Variants in ZNF689 observed in about 807,000 individuals in gnomAD.
The protein encoded by ZNF689 is short ORF-encoded histone-binding protein.
Under a neutral mutation model 37.2 loss-of-function variants are expected in ZNF689, and 14 were observed. The observed-to-expected ratio is 0.38, with a 90% CI of 0.25 to 0.59. The LOEUF (loss-of-function observed/expected upper bound fraction) is 0.59. Among genes scored for constraint, ZNF689 ranks in the 20% least tolerant of loss-of-function variants. The pLI is 0.68. For synonymous variants in ZNF689, 277 were observed against 283.3 expected, an observed-to-expected ratio of 0.98 and a Z score of 0.22; for missense variants, 573 against 700.2, an observed-to-expected ratio of 0.82 and a Z score of 2.05.
rs1244080825 is a variant in ZNF689 at position 30,604,745 on chromosome 16, C to T, written c.1022G>A (p.Gly341Glu). ...GTGCTCGCAGGCATAGGGACGCTCC[C>T]CAGAGTGCACACGCCGGTGACTGAC... ...RLVSHRRVHS[G>E]ERPYACEHCE... The change falls in exon 3 of 3, where the codon GGG (glycine) becomes GAG (glutamate). Residue 341 changes from glycine to glutamate, a missense_variant. Gly to Glu is a moderately conservative substitution (Grantham distance 98, BLOSUM62 -2). This residue lies in a region of ZNF689 where 317 missense variants were observed against 367.1 expected (regional missense o/e 0.86). Transcript: ENST00000287461. This position sits in a 1 kb window ranked among gnomAD's most constrained non-coding sequence, Gnocchi z 5.2. The T allele has an allele frequency of 6.2e-7, 1 of 1,606,702 alleles. No individual in the cohort carries two copies. Among genetic ancestry groups the T allele is most frequent in the Non-Finnish European group, 8.5e-7 (1 of 1,177,424 alleles).
intron 2 of ZNF689, 132 bp downstream of exon 2, chr16:30,609,393 C>G: frequency 1.4e-6 from 1 of 697,486 alleles, no homozygotes; most frequent in South Asian, 1.9e-5. Context: ...CCACCAGACA[C>G]AAGAGGCTGG....
At position 30,604,813 on chromosome 16, in the gene ZNF689, C is replaced by G; in HGVS notation, c.954G>C (p.Pro318=). 6.2e-7 allele frequency: 1 copy of G among 1,606,872 alleles called. No homozygotes were observed. Among genetic ancestry groups the G allele is most frequent in the Non-Finnish European group, 8.5e-7 (1 of 1,176,510 alleles). Residue 318 remains proline (P), a synonymous_variant, in exon 3 of 3, where the codon CCG becomes CCC. Coordinates refer to ENST00000287461, the MANE Select transcript of ZNF689 (RefSeq NM_138447.3). This position sits in a 1 kb window ranked among gnomAD's most constrained non-coding sequence, Gnocchi z 5.2. ...QRIHTGEKPY[P]CPDCERRFSS... ...AGAAGCGCCGCTCGCAGTCCGGGCA[C>G]GGGTAGGGCTTCTCGCCCGTGTGGA...
In ZNF689 at chr16:30,603,810, G is replaced by C. The variant is rs1309267179; in HGVS notation, c.*454C>G. On this transcript the variant is annotated 3_prime_UTR_variant, in exon 3 of 3. Coordinates refer to ENST00000287461, the MANE Select transcript of ZNF689 (RefSeq NM_138447.3). The stretch of plus-strand genomic sequence containing the variant: ...TGTCAAGAGAGATTTTCAAGCAATG[G>C]GTAGAAGACCACTTGGCAGGAGTGT... 1.6e-5 allele frequency: 5 copies of C among 320,162 alleles called. No homozygotes were observed. The highest frequency in any genetic ancestry group is 3.1e-5 in the Non-Finnish European group (5 of 162,336). 19.8% of individuals were successfully genotyped at this position (320,162 alleles called of 1,614,324 possible).
chr16:30,609,424 C>T (rs1414844806), intron 2 of ZNF689, 101 bp downstream of exon 2: 5 of 960,378 alleles, frequency 5.2e-6, no homozygotes, highest in East Asian at 5.0e-5. Flanking sequence ...ATACTAAATA[C>T]GCGGCACCCA....
rs1412773044 is a variant in ZNF689 at position 30,603,389 on chromosome 16, G to A, written c.*875C>T. Reference sequence around the variant, plus strand: ...CTTTTTTTTTTTTTTTTAAGTTTAGGGCATTTATATATCTGCAACCCAATA... The same window carrying A: ...CTTTTTTTTTTTTTTTTAAGTTTAGAGCATTTATATATCTGCAACCCAATA... On this transcript the variant is annotated 3_prime_UTR_variant, in exon 3 of 3. Transcript: ENST00000287461. 1.3e-5 allele frequency: 2 copies of A among 149,882 alleles called. No homozygotes were observed. Among genetic ancestry groups the A allele is most frequent in the African/African-American group, 2.5e-5 (1 of 40,666 alleles). The allele number at this position is 149,882 out of a possible 1,614,324, so 9.3% of individuals were successfully genotyped here. A position where few individuals can be genotyped will look rare whatever the true frequency, so the allele number is the denominator to read the frequency against.
In ZNF689 at chr16:30,605,346, T is replaced by C; in HGVS notation, c.421A>G (p.Ile141Val). 2 of 1,613,686 alleles carry C rather than the reference T, an allele frequency of 1.2e-6. No homozygotes were observed. Among genetic ancestry groups the C allele is most frequent in the Middle Eastern group, 3.3e-4 (2 of 6,054 alleles). The stretch of plus-strand genomic sequence containing the variant: ...GGGCCCCCGGACGTCTGCCTAGGAA[T>C]CAGTCGGGGTTTGCTGGGCCTCCGG... ...RGRRPSKPRLIPRQTSGGPIC... is the reference protein window; with the variant it reads ...RGRRPSKPRLVPRQTSGGPIC... The change falls in exon 3 of 3, where the codon ATT becomes GTT. Residue 141 changes from isoleucine to valine, a missense_variant. By Grantham distance (29) the Ile-to-Val change is conservative (BLOSUM62 3). Transcript: ENST00000287461. This position sits in a 1 kb window ranked among gnomAD's most constrained non-coding sequence, Gnocchi z 5.1.
chr16:30,605,277 G>C lies in ZNF689; in HGVS notation c.490C>G (p.Leu164Val). 6.2e-7 allele frequency: 1 copy of C among 1,611,112 alleles called. No homozygotes were observed. ...CGCTFPDHQA[L>V]ESHKCAQNLK... is the part of the protein sequence containing the mutation. ...TTCTGGGCGCACTTGTGGCTCTCCA[G>C]GGCCTGATGATCAGGGAAGGTACAG... Residue 164 changes from leucine to valine, a missense_variant, in exon 3 of 3, where the codon CTG becomes GTG. By Grantham distance (32) the Leu-to-Val change is conservative (BLOSUM62 1). Around this residue, in one of 3 missense-constraint regions of ZNF689, gnomAD observed 252 missense variants for 313.3 expected, o/e 0.80. Transcript: ENST00000287461. The surrounding 1 kb of genome is among the most constrained non-coding windows in gnomAD (Gnocchi z 5.1).
intron 2 of ZNF689, among the ~76,000 whole-genome samples, chr16:30,606,325 TTAA>T (rs1453832271): frequency 6.6e-6 from 1 of 152,116 alleles, no homozygotes; most frequent in Non-Finnish European, 1.5e-5. Context: ...AGTCAAAATA[TTAA>T]TAAAGGAATA....
chr16:30,604,998 CTGTG>C lies in ZNF689; in HGVS notation c.765_768del (p.His255GlnfsTer21). On this transcript the variant is annotated frameshift_variant, in exon 3 of 3. Coordinates refer to ENST00000287461, the MANE Select transcript of ZNF689 (RefSeq NM_138447.3). LOFTEE classifies it high-confidence loss of function. This position sits in a 1 kb window ranked among gnomAD's most constrained non-coding sequence, Gnocchi z 5.2. Reference sequence around the variant, plus strand: ...CTAGGGCACTGGTGGGGTTTTTCACCTGTGTGTGTGGTCCGGTGATTGGCCAAGG... The same window carrying C: ...CTAGGGCACTGGTGGGGTTTTTCACCTGTGTGGTCCGGTGATTGGCCAAGG... 1 of 1,601,196 alleles carries C rather than the reference CTGTG, an allele frequency of 6.2e-7. No individual in the cohort carries two copies. The highest frequency in any genetic ancestry group is 1.1e-5 in the South Asian group (1 of 89,350).
rs1213916674 is a variant in ZNF689, at chr16:30,605,951, C to CAA, written c.320-506_320-505dup. Reference sequence around the variant, plus strand: ...TGGGCGAGAGAGCGAGATTCCATCTCAAAAAAAAAAAAAAAAGGAATATTT... The same window carrying CAA: ...TGGGCGAGAGAGCGAGATTCCATCTCAAAAAAAAAAAAAAAAAAGGAATATTT... On this transcript the variant is annotated intron_variant, in intron 2 of 2. Transcript: ENST00000287461. The surrounding 1 kb of genome is among the most constrained non-coding windows in gnomAD (Gnocchi z 5.1). Among the ~76,000 whole-genome samples, 79 of 66,138 alleles carry CAA rather than the reference C, an allele frequency of 1.2e-3. 1 individual carries two copies. In the East Asian group the frequency reaches 0.029, roughly 24 times the overall value. 43.4% of individuals were successfully genotyped at this position (66,138 alleles called of 152,430 possible).
In ZNF689 at chr16:30,609,878, C is replaced by T. The variant is rs1300859451; in HGVS notation, c.164G>A (p.Arg55Gln). ...ACCGTAGGTCTCCCGCATCACGTCC[C>T]GGTACAGGGCCCTCTGCGCGGGCCG... ...CLRPAQRALYRDVMRETYGHL... is the reference protein window; with the variant it reads ...CLRPAQRALYQDVMRETYGHL... The change falls in exon 1 of 3, where the codon CGG becomes CAG. Residue 55 changes from arginine to glutamine, a missense_variant. By Grantham distance (43) the Arg-to-Gln change is conservative. Coordinates refer to ENST00000287461, the MANE Select transcript of ZNF689 (RefSeq NM_138447.3). 1.2e-6 allele frequency: 2 copies of T among 1,611,040 alleles called. No individual in the cohort carries two copies. Among genetic ancestry groups the T allele is most frequent in the South Asian group, 1.1e-5 (1 of 90,868 alleles).
At position 30,610,173 on chromosome 16, in the gene ZNF689, A is replaced by T; in HGVS notation, c.-132T>A. On this transcript the variant is annotated 5_prime_UTR_variant, in exon 1 of 3. Coordinates refer to ENST00000287461, the MANE Select transcript of ZNF689 (RefSeq NM_138447.3). ...GCCGGGGAGGCCCGGAGGGAATCGG[A>T]ATTGGTCGCCCGCGGGGCTAACGGA... 1 of 1,116,120 alleles carries T rather than the reference A, an allele frequency of 9.0e-7. No homozygotes were observed. The highest frequency in any genetic ancestry group is 1.2e-6 in the Non-Finnish European group (1 of 808,340). 69.1% of individuals were successfully genotyped at this position (1,116,120 alleles called of 1,614,324 possible).
chr16:30,610,121 G>A lies in ZNF689; in HGVS notation c.-80C>T, dbSNP rs892955654. 8.8e-6 allele frequency: 13 copies of A among 1,471,540 alleles called. No homozygotes were observed. The Admixed American group carries it at 1.1e-4, about 13-fold the overall frequency. The allele number at this position is 1,471,540 out of a possible 1,614,324, so 91.2% of individuals were successfully genotyped here. Reference sequence around the variant, plus strand: ...CGCTGGCGGCCCCTGGGATCGAGGAGCCCCTGCCGGACCAGGGCTGAGCGT... The same window carrying A: ...CGCTGGCGGCCCCTGGGATCGAGGAACCCCTGCCGGACCAGGGCTGAGCGT... On this transcript the variant is annotated 5_prime_UTR_variant, in exon 1 of 3. Coordinates refer to ENST00000287461, the MANE Select transcript of ZNF689 (RefSeq NM_138447.3).
intron 1 of ZNF689, 80 bp from the exon 2 acceptor site, chr16:30,609,718 C>T: frequency 1.9e-6 from 3 of 1,594,848 alleles, no homozygotes; most frequent in African/African-American, 1.3e-5. Context: ...TCCTGCTAAG[C>T]CCCTGCCCAC....
intron 2 of ZNF689, 94 bp downstream of exon 2, chr16:30,609,431 C>A: frequency 9.0e-7 from 1 of 1,114,636 alleles, no homozygotes; most frequent in Non-Finnish European, 1.3e-6. Flanking sequence ...ATACGCGGCA[C>A]CCACCCCTAG....
At chr16:30,609,498 G>C (rs1596588677) in intron 2 of ZNF689, 27 bp downstream of exon 2, 1 of 1,603,208 alleles carries the variant, frequency 6.2e-7, no homozygotes, top group South Asian at 1.1e-5. Flanking sequence ...GAGGGCTGCA[G>C]GCTCTGCGTG....
rs2052016448 is a variant in ZNF689, at chr16:30,604,579, T to A, written c.1188A>T (p.Thr396=). Residue 396 remains threonine, a synonymous_variant, in exon 3 of 3, where the codon ACA becomes ACT. Transcript: ENST00000287461. The surrounding 1 kb of genome is among the most constrained non-coding windows in gnomAD (Gnocchi z 5.2). ...GSLAIHRSTH[T]EEKLHACDDC... is the part of the protein sequence containing the mutation. ...CGTCGCAGGCGTGCAGCTTCTCCTC[T>A]GTGTGCGTGCTGCGATGGATGGCCA... 1.9e-6 allele frequency: 3 copies of A among 1,590,390 alleles called. No homozygotes were observed. The highest frequency in any genetic ancestry group is 1.8e-5 in the Admixed American group (1 of 55,204).
Position 30,604,831 on chromosome 16 carries a change from C to T in ZNF689, c.936G>A (p.Thr312=), listed in dbSNP as rs61737610. The T allele has an allele frequency of 5.1e-4, 820 of 1,603,616 alleles. 3 individuals are homozygous for T. In the African/African-American group the frequency reaches 8.8e-3, roughly 17 times the overall value. ...CCGGGCACGGGTAGGGCTTCTCGCCCGTGTGGATGCGCTGGTGGATGACGA... is the reference window on the plus strand; with the variant it reads ...CCGGGCACGGGTAGGGCTTCTCGCCTGTGTGGATGCGCTGGTGGATGACGA... ...TALVIHQRIH[T]GEKPYPCPDC... Residue 312 remains threonine, a synonymous_variant, in exon 3 of 3, where the codon ACG becomes ACA. Coordinates refer to ENST00000287461, the MANE Select transcript of ZNF689 (RefSeq NM_138447.3). The surrounding 1 kb of genome is among the most constrained non-coding windows in gnomAD (Gnocchi z 5.2).
Position 30,604,159 on chromosome 16 carries a change from A to C in ZNF689, c.*105T>G. 1 of 1,216,682 alleles carries C rather than the reference A, an allele frequency of 8.2e-7. No homozygotes were observed. The highest frequency in any genetic ancestry group is 1.2e-6 in the Non-Finnish European group (1 of 839,480). 75.4% of individuals were successfully genotyped at this position (1,216,682 alleles called of 1,614,324 possible). On this transcript the variant is annotated 3_prime_UTR_variant, in exon 3 of 3. Transcript: ENST00000287461. This position sits in a 1 kb window ranked among gnomAD's most constrained non-coding sequence, Gnocchi z 5.2. ...ACAAAGTTCAGCTCTGTGCAGCAGG[A>C]GACCCGGGTTTAGTTCTGACTCTGC...
Sources: allele counts gnomAD v4.1 joint callset (sites outside exome capture counted in the v4.1 genomes callset), GRCh38; gene constraint gnomAD v4.1.1; regional missense constraint gnomAD v4.1.1; non-coding constraint Gnocchi (gnomAD v3.1); transcripts MANE v1.5; gene names NCBI Gene and HGNC (gene_info 2026-07-23, HGNC 2026-07-21).